The following C19orf44 variants were observed in gnomAD, a reference collection of about 807,000 sequenced individuals.
C19orf44 encodes the protein uncharacterized protein C19orf44.
C19orf44 carries 43 observed loss-of-function variants against 50.7 expected under a neutral mutation model. The ratio of observed to expected loss-of-function variants is 0.85; its 90% CI spans 0.66 to 1.09. The LOEUF (loss-of-function observed/expected upper bound fraction) is 1.09. Ranked by LOEUF, C19orf44 falls within the 50% of genes least tolerant of loss-of-function variation. The pLI is 0.00. For synonymous variants in C19orf44, 298 were observed against 334.7 expected, an observed-to-expected ratio of 0.89 and a Z score of 1.20; for missense variants, 722 against 836.2, an observed-to-expected ratio of 0.86 and a Z score of 1.68.
Position 16,517,270 on chromosome 19 carries a change from A to G in C19orf44, c.1943A>G (p.Asp648Gly). The G allele has an allele frequency of 6.2e-7, 1 of 1,614,148 alleles. No individual in the cohort carries two copies. The highest frequency in any genetic ancestry group is 8.5e-7 in the Non-Finnish European group (1 of 1,180,020). Residue 648 changes from aspartate to glycine, a missense_variant, in exon 8 of 9, where the codon GAT becomes GGT. Physicochemically the swap from Asp to Gly is moderately conservative, Grantham distance 94. Transcript: ENST00000221671. Reference sequence around the variant, plus strand: ...AGACCTGCCCCACTGACCATGGAGGATGCCCTGGAGGAGGTGAACAAGGAG... The same window carrying G: ...AGACCTGCCCCACTGACCATGGAGGGTGCCCTGGAGGAGGTGAACAAGGAG... ...CHRPAPLTME[D>G]ALEEVNKEL is the part of the protein sequence containing the mutation.
intron 5 of C19orf44, among the ~76,000 whole-genome samples, chr19:16,512,380 G>A (rs2093460053): frequency 1.3e-5 from 2 of 152,246 alleles, no homozygotes; most frequent in Admixed American, 1.3e-4. Flanking sequence ...AGAGCCCAGA[G>A]AACACGCAAC....
intron 8 of C19orf44, 54 bp downstream of exon 8, chr19:16,517,395 TCA>T: frequency 7.7e-7 from 1 of 1,298,502 alleles, no homozygotes; most frequent in Non-Finnish European, 1.1e-6. Context: ...ATAGAGCTCA[TCA>T]GTGTCCAAGT....
At chr19:16,517,106 C>T in intron 7 of C19orf44, 124 bp from the exon 8 acceptor site, 1 of 853,890 alleles carries the variant, frequency 1.2e-6, no homozygotes, top group Non-Finnish European at 1.9e-6. Flanking sequence ...TGTGGTTTTA[C>T]ACTTCTGTCA....
In C19orf44 at chr19:16,519,399, G is replaced by A. The variant is rs1056505207; in HGVS notation, c.*41-695G>A. ...CAACCACAACAAGGCGGAGGCAGAT[G>A]GGGGTGCACGTGGGGGGCTGAATGT... On this transcript the variant is annotated intron_variant, in intron 8 of 8. Coordinates refer to ENST00000221671, the MANE Select transcript of C19orf44 (RefSeq NM_032207.4). The surrounding 1 kb of genome is among the most constrained non-coding windows in gnomAD (Gnocchi z 6.0). The A allele has an allele frequency of 1.3e-6, 2 of 1,570,918 alleles. No individual in the cohort carries two copies. The highest frequency in any genetic ancestry group is 1.4e-5 in the African/African-American group (1 of 73,704).
In C19orf44 at chr19:16,521,249, T is replaced by G. The variant is rs557431508; in HGVS notation, c.*1196T>G. ...AAGGAGGGGTGACCACTGGGAAGGG[T>G]GGGCTGAGGGCCCTGTGGCAGCCGG... On this transcript the variant is annotated 3_prime_UTR_variant, in exon 9 of 9. Coordinates refer to ENST00000221671, the MANE Select transcript of C19orf44 (RefSeq NM_032207.4). 7 of 567,738 alleles carry G rather than the reference T, an allele frequency of 1.2e-5. No individual in the cohort carries two copies. The East Asian group carries it at 2.0e-4, about 17-fold the overall frequency. The allele number at this position is 567,738 out of a possible 1,614,324, so 35.2% of individuals were successfully genotyped here. A position where few individuals can be genotyped will look rare whatever the true frequency, so the allele number is the denominator to read the frequency against.
intron 6 of C19orf44, among the ~76,000 whole-genome samples, chr19:16,514,186 G>A (rs886796269): frequency 1.3e-5 from 2 of 151,410 alleles, no homozygotes; most frequent in Non-Finnish European, 2.9e-5. Flanking sequence ...TAGAGATGGG[G>A]TTTCACTATG....
Position 16,500,993 on chromosome 19 carries a change from C to A in C19orf44, c.201C>A (p.Asn67Lys), listed in dbSNP as rs538379056. 6.2e-7 allele frequency: 1 copy of A among 1,613,676 alleles called. No individual in the cohort carries two copies. Among genetic ancestry groups the A allele is most frequent in the East Asian group, 2.2e-5 (1 of 44,882 alleles). ...LDEKHLLLKENPVLGSGPRLA... is the reference protein window; with the variant it reads ...LDEKHLLLKEKPVLGSGPRLA... ...AGAAACACTTACTCCTGAAAGAGAA[C>A]CCTGTGCTCGGGAGTGGACCCAGGC... The change falls in exon 2 of 9, where the codon AAC becomes AAA. Residue 67 changes from asparagine (N) to lysine (K), a missense_variant. Physicochemically the swap from Asn to Lys is moderately conservative, Grantham distance 94. Coordinates refer to ENST00000221671, the MANE Select transcript of C19orf44 (RefSeq NM_032207.4).
At position 16,520,124 on chromosome 19, in the gene C19orf44, C is replaced by CTGCT. The variant is rs1568503530; in HGVS notation, c.*71_*72insTGCT. On this transcript the variant is annotated 3_prime_UTR_variant, in exon 9 of 9. Transcript: ENST00000221671. This position sits in a 1 kb window ranked among gnomAD's most constrained non-coding sequence, Gnocchi z 4.0. ...CACCGCAGCTTCCCAGAGTTACCAGCGCAGCACTTAAGACAGGATCTTACG... is the reference window on the plus strand; with the variant it reads ...CACCGCAGCTTCCCAGAGTTACCAGCTGCTGCAGCACTTAAGACAGGATCTTACG... 9 of 1,601,666 alleles carry CTGCT rather than the reference C, an allele frequency of 5.6e-6. No individual in the cohort carries two copies. Among genetic ancestry groups the CTGCT allele is most frequent in the Non-Finnish European group, 7.7e-6 (9 of 1,170,656 alleles).
At position 16,516,667 on chromosome 19, in the gene C19orf44, G is replaced by A. The variant is rs374293505; in HGVS notation, c.1903-563G>A. On this transcript the variant is annotated intron_variant, in intron 7 of 8. Coordinates refer to ENST00000221671, the MANE Select transcript of C19orf44 (RefSeq NM_032207.4). ...AGCGATGCTGGGCCCGCAAGCAGGCGGGGTGGGCCTGGAGCTAGGCGTTTC... is the reference window on the plus strand; with the variant it reads ...AGCGATGCTGGGCCCGCAAGCAGGCAGGGTGGGCCTGGAGCTAGGCGTTTC... 1.7e-4 allele frequency among the ~76,000 whole-genome samples: 26 copies of A among 152,320 alleles called. No homozygotes were observed. The East Asian group carries it at 1.7e-3, about 10-fold the overall frequency.
Position 16,519,448 on chromosome 19 carries a change from G to C in C19orf44, c.*41-646G>C, listed in dbSNP as rs2085585916. 2 of 1,383,662 alleles carry C rather than the reference G, an allele frequency of 1.4e-6. No individual in the cohort carries two copies. Among genetic ancestry groups the C allele is most frequent in the Non-Finnish European group, 2.0e-6 (2 of 1,001,634 alleles). The allele number at this position is 1,383,662 out of a possible 1,614,324, so 85.7% of individuals were successfully genotyped here. On this transcript the variant is annotated intron_variant, in intron 8 of 8. Coordinates refer to ENST00000221671, the MANE Select transcript of C19orf44 (RefSeq NM_032207.4). This position sits in a 1 kb window ranked among gnomAD's most constrained non-coding sequence, Gnocchi z 6.0. ...GTCCAGACAGGCAGTGTAGACATGG[G>C]AAATGGGTAGAGAGAACCCGCAGGC...
rs372810351 is a variant in C19orf44, at chr19:16,519,366, C to G, written c.*41-728C>G. Reference sequence around the variant, plus strand: ...AGCCGCTCCAGCCTGGAAACAGAGACGCAGTCACAACCACAACAAGGCGGA... The same window carrying G: ...AGCCGCTCCAGCCTGGAAACAGAGAGGCAGTCACAACCACAACAAGGCGGA... On this transcript the variant is annotated intron_variant, in intron 8 of 8. Coordinates refer to ENST00000221671, the MANE Select transcript of C19orf44 (RefSeq NM_032207.4). This position sits in a 1 kb window ranked among gnomAD's most constrained non-coding sequence, Gnocchi z 6.0. 6.2e-7 allele frequency: 1 copy of G among 1,607,622 alleles called. No individual in the cohort carries two copies. Among genetic ancestry groups the G allele is most frequent in the South Asian group, 1.1e-5 (1 of 90,668 alleles).
In C19orf44 at chr19:16,519,133, A is replaced by T. The variant is rs749596423; in HGVS notation, c.*41-961A>T. ...GGTCCCACAGCCGGCACCGCTGGCCACCGGCGCGGCTCCCGGCATGGGCGC... is the reference window on the plus strand; with the variant it reads ...GGTCCCACAGCCGGCACCGCTGGCCTCCGGCGCGGCTCCCGGCATGGGCGC... On this transcript the variant is annotated intron_variant, in intron 8 of 8. Coordinates refer to ENST00000221671, the MANE Select transcript of C19orf44 (RefSeq NM_032207.4). This position sits in a 1 kb window ranked among gnomAD's most constrained non-coding sequence, Gnocchi z 6.0. The T allele has an allele frequency of 1.2e-6, 2 of 1,600,346 alleles. No individual in the cohort carries two copies. Among genetic ancestry groups the T allele is most frequent in the South Asian group, 2.2e-5 (2 of 89,648 alleles).
intron 1 of C19orf44, among the ~76,000 whole-genome samples, chr19:16,498,492 C>G (rs2122164213): frequency 6.6e-6 from 1 of 152,134 alleles, no homozygotes; most frequent in East Asian, 1.9e-4. Context: ...CTATGTTGCC[C>G]AGGCTGGTCT....
intron 7 of C19orf44, among the ~76,000 whole-genome samples, 194 bp from the exon 8 acceptor site, chr19:16,517,036 A>G (rs1599741420): frequency 6.6e-6 from 1 of 152,172 alleles, no homozygotes; most frequent in Non-Finnish European, 1.5e-5. Context: ...CACCCCTCGC[A>G]GGGCTGACCC....
chr19:16,506,936 G>A (rs1331416619), intron 4 of C19orf44, among the ~76,000 whole-genome samples, 162 bp downstream of exon 4: 1 of 152,120 alleles, frequency 6.6e-6, no homozygotes, highest in Non-Finnish European at 1.5e-5. Context: ...GCCTCCCAAA[G>A]TGCTGGGATT....
rs998607912 is a variant in C19orf44 at position 16,519,438 on chromosome 19, G to C, written c.*41-656G>C. 2 of 1,425,828 alleles carry C rather than the reference G, an allele frequency of 1.4e-6. No individual in the cohort carries two copies. Among genetic ancestry groups the C allele is most frequent in the African/African-American group, 2.8e-5 (2 of 70,584 alleles). The allele number at this position is 1,425,828 out of a possible 1,614,324, so 88.3% of individuals were successfully genotyped here. ...GGGGCTGAATGTCCAGACAGGCAGT[G>C]TAGACATGGGAAATGGGTAGAGAGA... On this transcript the variant is annotated intron_variant, in intron 8 of 8. Coordinates refer to ENST00000221671, the MANE Select transcript of C19orf44 (RefSeq NM_032207.4). The surrounding 1 kb of genome is among the most constrained non-coding windows in gnomAD (Gnocchi z 6.0).
chr19:16,516,687 C>T (rs1187608764), intron 7 of C19orf44, among the ~76,000 whole-genome samples: 3 of 152,212 alleles, frequency 2.0e-5, no homozygotes, highest in Admixed American at 6.5e-5. Context: ...TGGAGCTAGG[C>T]GTTTCTCCCA....
chr19:16,516,102 A>C (rs2093470915), intron 7 of C19orf44, among the ~76,000 whole-genome samples: 1 of 152,102 alleles, frequency 6.6e-6, no homozygotes, highest in Non-Finnish European at 1.5e-5. Context: ...CCTGCTTTAA[A>C]CATTTTACAT....
At chr19:16,497,841 A>G (rs951792338) in intron 1 of C19orf44, among the ~76,000 whole-genome samples, 4 of 152,148 alleles carry the variant, frequency 2.6e-5, no homozygotes, top group Non-Finnish European at 5.9e-5. Context: ...GGGGCCAGGT[A>G]TGATGATGTG....
Sources: allele counts gnomAD v4.1 joint callset (sites outside exome capture counted in the v4.1 genomes callset), GRCh38; gene constraint gnomAD v4.1.1; non-coding constraint Gnocchi (gnomAD v3.1); transcripts MANE v1.5; gene names NCBI Gene and HGNC (gene_info 2026-07-23, HGNC 2026-07-21).